Variants in PRKCZ observed in about 807,000 individuals in gnomAD.
PRKCZ encodes protein kinase C zeta.
PRKCZ carries 33 observed loss-of-function variants against 79.5 expected under a neutral mutation model. The ratio of observed to expected loss-of-function variants is 0.41; its 90% CI spans 0.31 to 0.55. The LOEUF (loss-of-function observed/expected upper bound fraction) is 0.55, where lower values mean the gene tolerates loss of function less well. Among genes scored for constraint, PRKCZ ranks in the 20% least tolerant of loss-of-function variants. PRKCZ has a pLI of 0.19. For synonymous variants in PRKCZ, 342 were observed against 320.9 expected (o/e 1.07, Z -0.70); for missense variants, 578 against 813.5 (o/e 0.71, Z 3.52).
At chr1:2,122,846 T>TGGC (rs1160664795) in intron 4 of PRKCZ, among the ~76,000 whole-genome samples, 3 of 13,172 alleles carry the variant, frequency 2.3e-4, no homozygotes, top group African/African-American at 1.7e-3. Context: ...GTTAGGGTTG[T>TGGC]GGTGGTTAGG....
intron 2 of PRKCZ, chr1:2,055,951 G>T (rs78824488): frequency 2.8e-4 from 56 of 197,670 alleles, no homozygotes; most frequent in Non-Finnish European, 4.9e-4. Context: ...AGGGCCTGCC[G>T]TGTCCACCTC....
intron 5 of PRKCZ, 90 bp from the exon 6 acceptor site, chr1:2,144,120 T>C: frequency 1.4e-6 from 2 of 1,480,838 alleles, no homozygotes; most frequent in East Asian, 2.5e-5. Context: ...GTGTCCTCTT[T>C]TGAGAAGGTA....
chr1:2,124,937 G>T (rs1673583342), intron 4 of PRKCZ, among the ~76,000 whole-genome samples: 1 of 152,158 alleles, frequency 6.6e-6, no homozygotes, highest in African/African-American at 2.4e-5. Context: ...TCCTCGCGTG[G>T]CGTCCCTGGC....
chr1:2,139,488 G>A (rs1676883541), intron 5 of PRKCZ, among the ~76,000 whole-genome samples: 1 of 152,172 alleles, frequency 6.6e-6, no homozygotes. Context: ...TACTCGGGAG[G>A]CTGAGGCAGA....
intron 10 of PRKCZ, among the ~76,000 whole-genome samples, chr1:2,159,129 G>A (rs1681704725): frequency 6.6e-6 from 1 of 152,186 alleles, no homozygotes; most frequent in South Asian, 2.1e-4. Context: ...GTGAGCTCCG[G>A]GTTGGGGGGA....
chr1:2,162,359 C>A (rs1004112418), intron 10 of PRKCZ, among the ~76,000 whole-genome samples: 6 of 152,138 alleles, frequency 3.9e-5, no homozygotes. Context: ...CTCAAACTCC[C>A]AACCTCAAGT....
At position 2,125,722 on chromosome 1, in the gene PRKCZ, G is replaced by A. The variant is rs187787613; in HGVS notation, c.335-9540G>A. 2.6e-5 allele frequency among the ~76,000 whole-genome samples: 4 copies of A among 152,344 alleles called. No individual in the cohort carries two copies. The highest frequency in any genetic ancestry group is 1.3e-4 in the Admixed American group (2 of 15,304). On this transcript the variant is annotated intron_variant, in intron 4 of 17. Coordinates refer to ENST00000378567, the MANE Select transcript of PRKCZ (RefSeq NM_002744.6). The surrounding 1 kb of genome is among the most constrained non-coding windows in gnomAD (Gnocchi z 4.2). Reference sequence around the variant, plus strand: ...ATTCGAAGGAGGCTGGAGTGTGGGCGGAGGGCAGCGCCAGGTTTCCCAATC... The same window carrying A: ...ATTCGAAGGAGGCTGGAGTGTGGGCAGAGGGCAGCGCCAGGTTTCCCAATC...
chr1:2,104,643 T>G (rs749319469), intron 4 of PRKCZ: 56 of 977,412 alleles, frequency 5.7e-5, no homozygotes, highest in Non-Finnish European at 6.6e-5. Context: ...GCAGGGAGCA[T>G]CCAGGGGAAG....
chr1:2,144,728 G>A, intron 6 of PRKCZ: 1 of 807,470 alleles, frequency 1.2e-6, no homozygotes, highest in South Asian at 4.5e-5. Flanking sequence ...AACATCTGGA[G>A]CCTCTCCCTG....
At chr1:2,053,445 C>T (rs571096956) in intron 1 of PRKCZ, among the ~76,000 whole-genome samples, 4 of 152,192 alleles carry the variant, frequency 2.6e-5, no homozygotes, top group African/African-American at 9.7e-5. Flanking sequence ...GTGCAAAGCC[C>T]AGGGCTTGGT....
intron 4 of PRKCZ, chr1:2,104,845 G>C: frequency 2.2e-5 from 22 of 985,612 alleles, no homozygotes; most frequent in Non-Finnish European, 2.7e-5. Flanking sequence ...CGGTGTGAGC[G>C]GGGACTGGTG....
Position 2,172,133 on chromosome 1 carries a change from C to G in PRKCZ, c.1140C>G (p.Asp380Glu). 1 of 1,613,530 alleles carries G rather than the reference C, an allele frequency of 6.2e-7. No individual in the cohort carries two copies. The highest frequency in any genetic ancestry group is 8.5e-7 in the Non-Finnish European group (1 of 1,179,996). Residue 380 changes from aspartate (D) to glutamate (E), a missense_variant, in exon 12 of 18, where the codon GAC becomes GAG. Physicochemically the swap from Asp to Glu is conservative, Grantham distance 45. Coordinates refer to ENST00000378567, the MANE Select transcript of PRKCZ (RefSeq NM_002744.6). The surrounding 1 kb of genome is among the most constrained non-coding windows in gnomAD (Gnocchi z 7.8). ...TCATCTACAGGGACCTGAAGCTGGA[C>G]AACGTCCTCCTGGATGCGGACGGGC... is the stretch of plus-strand genomic sequence containing the variant. ...RGIIYRDLKL[D>E]NVLLDADGHI... is the part of the protein sequence containing the mutation.
intron 4 of PRKCZ, among the ~76,000 whole-genome samples, chr1:2,133,018 C>T (rs888628548): frequency 1.3e-5 from 2 of 152,212 alleles, no homozygotes; most frequent in Non-Finnish European, 2.9e-5. Context: ...CTGGGGACGC[C>T]GGGCTGTGTG....
intron 4 of PRKCZ, among the ~76,000 whole-genome samples, chr1:2,069,191 A>G (rs1188050835): frequency 1.3e-5 from 2 of 151,916 alleles, no homozygotes; most frequent in Non-Finnish European, 2.9e-5. Context: ...CCTCCCCTGC[A>G]TCCGTGCTGT....
chr1:2,055,760 A>G, intron 2 of PRKCZ, 198 bp downstream of exon 2: 2 of 750,942 alleles, frequency 2.7e-6, no homozygotes, highest in South Asian at 2.1e-5. Flanking sequence ...ACCTGGGCCC[A>G]GATGCCCCTA....
chr1:2,120,900 G>A (rs184195369), intron 4 of PRKCZ, among the ~76,000 whole-genome samples: 5 of 134,084 alleles, frequency 3.7e-5, no homozygotes, highest in East Asian at 4.4e-4. Context: ...TGCAACCTCC[G>A]CCTCCCAGGT....
rs1673662582 is a variant in PRKCZ at position 2,125,342 on chromosome 1, A to G, written c.335-9920A>G. 6.6e-6 allele frequency among the ~76,000 whole-genome samples: 1 copy of G among 152,264 alleles called. No individual in the cohort carries two copies. The highest frequency in any genetic ancestry group is 2.1e-4 in the South Asian group (1 of 4,836). Reference sequence around the variant, plus strand: ...CATAAAATCTTGATTTTGTATTACAACAAATTAGGATATTTTCAGTAGAAC... The same window carrying G: ...CATAAAATCTTGATTTTGTATTACAGCAAATTAGGATATTTTCAGTAGAAC... On this transcript the variant is annotated intron_variant, in intron 4 of 17. Transcript: ENST00000378567. This position sits in a 1 kb window ranked among gnomAD's most constrained non-coding sequence, Gnocchi z 4.2.
rs950565464 is a variant in PRKCZ, at chr1:2,185,170, C to G, written c.*161C>G. On this transcript the variant is annotated 3_prime_UTR_variant, in exon 18 of 18. Coordinates refer to ENST00000378567, the MANE Select transcript of PRKCZ (RefSeq NM_002744.6). ...AAGCGTCAGCGGGCGCTGCTGGGAG[C>G]AGAACAGTCCCTCACACCTGGGCCC... 3.6e-5 allele frequency: 27 copies of G among 742,806 alleles called. No homozygotes were observed. Among genetic ancestry groups the G allele is most frequent in the Non-Finnish European group, 6.1e-5 (26 of 428,584 alleles). 46.0% of individuals were successfully genotyped at this position (742,806 alleles called of 1,614,324 possible).
At chr1:2,092,151 C>T (rs1034256084) in intron 4 of PRKCZ, among the ~76,000 whole-genome samples, 5 of 152,218 alleles carry the variant, frequency 3.3e-5, no homozygotes, top group African/African-American at 1.2e-4. Context: ...GCCCCCTTGG[C>T]TCCGGCCCCG....
Sources: allele counts gnomAD v4.1 joint callset (sites outside exome capture counted in the v4.1 genomes callset), GRCh38; gene constraint gnomAD v4.1.1; non-coding constraint Gnocchi (gnomAD v3.1); transcripts MANE v1.5; gene names NCBI Gene and HGNC (gene_info 2026-07-23, HGNC 2026-07-21).